The following FNDC3A variants were observed in gnomAD, a reference collection of about 807,000 sequenced individuals.
The protein encoded by FNDC3A is fibronectin type III domain containing 3A, also known as fibronectin type-III domain-containing protein 3A.
Under a neutral mutation model 148.9 loss-of-function variants are expected in FNDC3A, and 32 were observed. The observed-to-expected ratio is 0.21, with a 90% CI of 0.16 to 0.29. The LOEUF is 0.29. Among genes scored for constraint, FNDC3A ranks in the 10% least tolerant of loss-of-function variants. FNDC3A has a pLI of 1.00. For missense variants in FNDC3A, 1,191 were observed against 1,452.8 expected, an observed-to-expected ratio of 0.82 and a Z score of 2.93; for synonymous variants, 472 against 473.6, an observed-to-expected ratio of 1.00 and a Z score of 0.04.
intron 8 of FNDC3A, among the ~76,000 whole-genome samples, chr13:49,149,469 C>T (rs1327633916): frequency 6.6e-6 from 1 of 151,998 alleles, no homozygotes; most frequent in Non-Finnish European, 1.5e-5. Flanking sequence ...AATTTTTGTC[C>T]TTCATTATGT....
intron 21 of FNDC3A, 54 bp downstream of exon 21, chr13:49,197,928 T>C: frequency 6.3e-7 from 1 of 1,589,124 alleles, no homozygotes; most frequent in Non-Finnish European, 8.5e-7. Flanking sequence ...TTATATTTCA[T>C]TGGCATTTTC....
At chr13:49,202,079 G>A in intron 24 of FNDC3A, 113 bp downstream of exon 24, 1 of 634,514 alleles carries the variant, frequency 1.6e-6, no homozygotes, top group Middle Eastern at 4.5e-4. Flanking sequence ...ATGTCCACCA[G>A]TTATACAAAA....
rs779419790 is a variant in FNDC3A, at chr13:49,207,443, A to G, written c.*48A>G. 2.8e-5 allele frequency: 33 copies of G among 1,186,188 alleles called. No homozygotes were observed. In the Admixed American group the frequency reaches 7.6e-4, roughly 27 times the overall value. The allele number at this position is 1,186,188 out of a possible 1,614,324, so 73.5% of individuals were successfully genotyped here. ...TCTATTACATTTTATTTTGTCATGT[A>G]CTAAAATTATTTCTGTATTGCTTTT... On this transcript the variant is annotated 3_prime_UTR_variant, in exon 26 of 26. Transcript: ENST00000492622.
chr13:49,035,209 C>T (rs1874406794), intron 2 of FNDC3A, among the ~76,000 whole-genome samples: 1 of 152,018 alleles, frequency 6.6e-6, no homozygotes, highest in Non-Finnish European at 1.5e-5. Context: ...ACATGGCACC[C>T]ATGTGCAGGT....
At chr13:49,010,418 A>G (rs1386130592) in intron 2 of FNDC3A, among the ~76,000 whole-genome samples, 1 of 152,202 alleles carries the variant, frequency 6.6e-6, no homozygotes, top group African/African-American at 2.4e-5. Flanking sequence ...GGCTATCCCT[A>G]CAAGGGGCCA....
chr13:49,070,113 G>A (rs185314626), intron 2 of FNDC3A, among the ~76,000 whole-genome samples: 460 of 152,080 alleles, frequency 3.0e-3, no homozygotes, highest in Non-Finnish European at 5.6e-3. Context: ...CATAAGTAGT[G>A]TTTTTTTAAA....
At chr13:49,152,600 C>T (rs992608275) in intron 8 of FNDC3A, among the ~76,000 whole-genome samples, 7 of 151,652 alleles carry the variant, frequency 4.6e-5, no homozygotes, top group African/African-American at 7.3e-5. Context: ...CATGCTGGTG[C>T]GCTGCACCCA....
intron 3 of FNDC3A, among the ~76,000 whole-genome samples, chr13:49,098,980 C>T (rs1299758459): frequency 6.6e-6 from 1 of 152,086 alleles, no homozygotes; most frequent in Admixed American, 6.5e-5. Flanking sequence ...TAGATCAAGG[C>T]TTACACTAAT....
At chr13:49,183,746 G>A (rs1198755892) in intron 14 of FNDC3A, among the ~76,000 whole-genome samples, 1 of 152,198 alleles carries the variant, frequency 6.6e-6, no homozygotes, top group Non-Finnish European at 1.5e-5. Context: ...TGAGAGGACT[G>A]AGGAAGCCTG....
intron 8 of FNDC3A, among the ~76,000 whole-genome samples, chr13:49,155,100 T>C (rs1405509757): frequency 2.1e-5 from 3 of 142,416 alleles, no homozygotes; most frequent in African/African-American, 5.3e-5. Flanking sequence ...ATGGTACCAG[T>C]TCCTCCTTGT....
intron 1 of FNDC3A, among the ~76,000 whole-genome samples, chr13:48,977,958 C>G (rs902671446): frequency 2.6e-4 from 40 of 152,014 alleles, no homozygotes; most frequent in African/African-American, 7.2e-4. Context: ...CCCTCTTTTT[C>G]CCTTTTGTCT....
intron 3 of FNDC3A, among the ~76,000 whole-genome samples, chr13:49,083,298 A>G (rs1013354005): frequency 4.6e-5 from 7 of 152,202 alleles, no homozygotes; most frequent in Admixed American, 4.6e-4. Flanking sequence ...ACTAAAACAA[A>G]TGACAGCGTC....
chr13:49,148,331 T>A (rs769614827), intron 8 of FNDC3A, among the ~76,000 whole-genome samples: 11 of 152,026 alleles, frequency 7.2e-5, no homozygotes, highest in Non-Finnish European at 1.3e-4. Flanking sequence ...CTTCCAGGAT[T>A]TCATAGTTTC....
intron 19 of FNDC3A, among the ~76,000 whole-genome samples, chr13:49,192,765 C>T (rs1885950420): frequency 6.6e-6 from 1 of 152,148 alleles, no homozygotes; most frequent in African/African-American, 2.4e-5. Context: ...TTGTCAAAAT[C>T]ACCTTAAGTA....
At chr13:49,184,747 G>A (rs1387393488) in intron 14 of FNDC3A, among the ~76,000 whole-genome samples, 2 of 152,132 alleles carry the variant, frequency 1.3e-5, no homozygotes, top group African/African-American at 4.8e-5. Flanking sequence ...CTTACAGGTA[G>A]GTGTAGGTAA....
intron 8 of FNDC3A, 29 bp downstream of exon 8, chr13:49,145,964 A>G (rs745333503): frequency 1.1e-5 from 17 of 1,538,448 alleles, no homozygotes; most frequent in Admixed American, 5.8e-5. Context: ...GCTTTCTCCC[A>G]TTGTGTAAAT....
At chr13:49,097,457 T>A (rs141208088) in intron 3 of FNDC3A, among the ~76,000 whole-genome samples, 2 of 152,158 alleles carry the variant, frequency 1.3e-5, no homozygotes, top group African/African-American at 4.8e-5. Flanking sequence ...GCCCTTGGCA[T>A]GTTTTCATGT....
chr13:49,167,349 G>GTT (rs369146421), intron 9 of FNDC3A, 46 bp downstream of exon 9: 19 of 962,236 alleles, frequency 2.0e-5, no homozygotes, highest in African/African-American at 6.9e-5. Context: ...AGCATAAGGG[G>GTT]TTTTTTTTTT....
At chr13:49,204,836 A>G (rs911945517) in intron 25 of FNDC3A, among the ~76,000 whole-genome samples, 1 of 152,192 alleles carries the variant, frequency 6.6e-6, no homozygotes, top group Non-Finnish European at 1.5e-5. Context: ...TCTGAAATAC[A>G]AAATTGAAAA....
Sources: allele counts gnomAD v4.1 joint callset (sites outside exome capture counted in the v4.1 genomes callset), GRCh38; gene constraint gnomAD v4.1.1; transcripts MANE v1.5; gene names NCBI Gene and HGNC (gene_info 2026-07-23, HGNC 2026-07-21).